Variants in SMARCAL1 observed in about 807,000 individuals in gnomAD.
SMARCAL1 encodes SNF2 related chromatin remodeling annealing helicase 1.
Under a neutral mutation model 94.5 loss-of-function variants are expected in SMARCAL1, and 58 were observed. That is an observed-to-expected ratio of 0.61 (90% confidence interval 0.50 to 0.76). SMARCAL1 has a LOEUF of 0.76. Among genes scored for constraint, SMARCAL1 ranks in the 30% least tolerant of loss-of-function variants. SMARCAL1 has a pLI of 0.00. For missense variants in SMARCAL1, 1,051 were observed against 1,177.9 expected (o/e 0.89, Z 1.58); for synonymous variants, 422 against 455.1 (o/e 0.93, Z 0.93).
At chr2:216,470,236 C>T (rs770492914) in intron 14 of SMARCAL1, among the ~76,000 whole-genome samples, 2 of 152,094 alleles carry the variant, frequency 1.3e-5, no homozygotes, top group Admixed American at 1.3e-4. Flanking sequence ...CTATAGCCTC[C>T]GCCTCCTGGG....
In SMARCAL1 at chr2:216,425,419, G is replaced by A. The variant is rs185610700; in HGVS notation, c.1147+1736G>A. ...AAAACTTGAAGACACCAGCAACCATGGAGCCCTAAGGGGGTGTTACAGCAT... is the reference window on the plus strand; with the variant it reads ...AAAACTTGAAGACACCAGCAACCATAGAGCCCTAAGGGGGTGTTACAGCAT... On this transcript the variant is annotated intron_variant, in intron 6 of 17. Transcript: ENST00000357276. 1.8e-3 allele frequency among the ~76,000 whole-genome samples: 270 copies of A among 152,326 alleles called. 3 individuals carry two copies. The highest frequency in any genetic ancestry group is 4.4e-4 in the Non-Finnish European group (30 of 68,030).
At chr2:216,478,340 A>C (rs1332661722) in intron 17 of SMARCAL1, 41 bp downstream of exon 17, 1 of 1,492,264 alleles carries the variant, frequency 6.7e-7, no homozygotes, top group Admixed American at 1.7e-5. Flanking sequence ...GAGCAGAGGG[A>C]GGCATTAAGC....
chr2:216,438,081 C>T (rs79181569), intron 9 of SMARCAL1, among the ~76,000 whole-genome samples: 5,343 of 152,310 alleles, frequency 0.035, 204 homozygotes, highest in East Asian at 0.16. Context: ...TGGTCTAGTG[C>T]TCCACAGGTG....
intron 14 of SMARCAL1, among the ~76,000 whole-genome samples, chr2:216,474,973 G>C (rs1166664260): frequency 6.6e-6 from 1 of 152,170 alleles, no homozygotes; most frequent in Non-Finnish European, 1.5e-5. Context: ...CTGAAGATCA[G>C]TGGATTGTAT....
chr2:216,466,911 C>T (rs1694840487), intron 13 of SMARCAL1, among the ~76,000 whole-genome samples: 1 of 152,204 alleles, frequency 6.6e-6, no homozygotes, highest in South Asian at 2.1e-4. Context: ...GTTTACAGGG[C>T]AGTCCACGTA....
At chr2:216,417,077 C>A (rs111514305) in intron 4 of SMARCAL1, among the ~76,000 whole-genome samples, 4 of 152,198 alleles carry the variant, frequency 2.6e-5, no homozygotes, top group Non-Finnish European at 5.9e-5. Context: ...TCTTCCTCCC[C>A]CTAGCTTAAG....
intron 9 of SMARCAL1, among the ~76,000 whole-genome samples, chr2:216,436,603 G>A (rs969369173): frequency 7.9e-5 from 12 of 152,220 alleles, no homozygotes; most frequent in Admixed American, 7.9e-4. Flanking sequence ...AGTCTTTGGG[G>A]GAGTCATTTT....
At chr2:216,414,521 CTT>C in intron 2 of SMARCAL1, 124 bp from the exon 3 acceptor site, 1 of 625,842 alleles carries the variant, frequency 1.6e-6, no homozygotes, top group Non-Finnish European at 2.8e-6. Context: ...ATAAAAGAAA[CTT>C]TAATACATCC....
intron 15 of SMARCAL1, 92 bp from the exon 16 acceptor site, chr2:216,477,016 GA>G (rs1231598764): frequency 9.3e-6 from 9 of 966,312 alleles, no homozygotes; most frequent in Non-Finnish European, 1.5e-5. Context: ...GTTGTGGTGG[GA>G]CTGGAAATGG....
At chr2:216,470,501 T>G (rs1331013286) in intron 14 of SMARCAL1, among the ~76,000 whole-genome samples, 1 of 151,844 alleles carries the variant, frequency 6.6e-6, no homozygotes, top group East Asian at 1.9e-4. Context: ...CTTTTTTTTT[T>G]TTTTGAAGCA....
At chr2:216,477,538 G>A (rs537384957) in intron 16 of SMARCAL1, among the ~76,000 whole-genome samples, 1 of 152,234 alleles carries the variant, frequency 6.6e-6, no homozygotes, top group Non-Finnish European at 1.5e-5. Context: ...GTTCCCAGCT[G>A]TGAAGGCATT....
At chr2:216,472,945 C>T (rs540096274) in intron 14 of SMARCAL1, among the ~76,000 whole-genome samples, 150 of 152,194 alleles carry the variant, frequency 9.9e-4, no homozygotes, top group South Asian at 1.7e-3. Flanking sequence ...TTTTTGCTAT[C>T]GTACTTTGGT....
chr2:216,477,280 C>A, intron 16 of SMARCAL1, 71 bp downstream of exon 16: 2 of 1,089,800 alleles, frequency 1.8e-6, no homozygotes, highest in East Asian at 2.6e-5. Context: ...GTTTACTTTG[C>A]TCCCAAAGTG....
At chr2:216,433,412 G>A (rs562755972) in intron 8 of SMARCAL1, among the ~76,000 whole-genome samples, 2 of 152,096 alleles carry the variant, frequency 1.3e-5, no homozygotes, top group East Asian at 1.9e-4. Context: ...TTTACCTCCT[G>A]TATTTTCCTC....
intron 7 of SMARCAL1, among the ~76,000 whole-genome samples, chr2:216,430,284 ATGTTT>A (rs747836591): frequency 3.3e-5 from 5 of 152,134 alleles, no homozygotes; most frequent in African/African-American, 1.2e-4. Context: ...TGTCAATTCT[ATGTTT>A]TGTTTTGTTT....
In SMARCAL1 at chr2:216,416,332, T is replaced by C. The variant is rs148833191; in HGVS notation, c.862+25T>C. Reference sequence around the variant, plus strand: ...AGTAAGTAGACACATGGTTGTCTCATGGAGGGTGGCACTGGTGCTGAAAAT... The same window carrying C: ...AGTAAGTAGACACATGGTTGTCTCACGGAGGGTGGCACTGGTGCTGAAAAT... On this transcript the variant is annotated intron_variant, in intron 4 of 17. Transcript: ENST00000357276. 8.8e-3 allele frequency: 14,050 copies of C among 1,598,032 alleles called. 91 individuals carry two copies. Among genetic ancestry groups the C allele is most frequent in the Non-Finnish European group, 0.01 (11,825 of 1,165,612 alleles).
Position 216,475,203 on chromosome 2 carries a change from G to A in SMARCAL1, c.2245-66G>A. ...CTGGTTCTGTGCTGGAGCTGTGGCT[G>A]GGTGTGGTTTGCTGAGAAGCCCCCG... On this transcript the variant is annotated intron_variant, in intron 14 of 17. Coordinates refer to ENST00000357276, the MANE Select transcript of SMARCAL1 (RefSeq NM_014140.4). The surrounding 1 kb of genome is among the most constrained non-coding windows in gnomAD (Gnocchi z 4.4). 3 of 1,531,344 alleles carry A rather than the reference G, an allele frequency of 2.0e-6. No homozygotes were observed. The highest frequency in any genetic ancestry group is 2.2e-5 in the South Asian group (2 of 89,318). 94.9% of individuals were successfully genotyped at this position (1,531,344 alleles called of 1,614,324 possible).
At chr2:216,451,375 A>G (rs1266074283) in intron 12 of SMARCAL1, 7 of 393,298 alleles carry the variant, frequency 1.8e-5, no homozygotes, top group Non-Finnish European at 3.4e-5. Context: ...AATTATGTCT[A>G]CTATATTTTG....
At chr2:216,421,924 T>A (rs746740504) in intron 5 of SMARCAL1, among the ~76,000 whole-genome samples, 19 of 152,124 alleles carry the variant, frequency 1.2e-4, no homozygotes, top group Non-Finnish European at 1.0e-4. Flanking sequence ...TACGTCATCA[T>A]CCTTAGATGG....
Sources: gnomAD v4.1 joint callset for allele counts (sites outside exome capture counted in the v4.1 genomes callset) on GRCh38, gnomAD v4.1.1 for gene constraint, Gnocchi (gnomAD v3.1) non-coding constraint, MANE v1.5 for transcripts, NCBI Gene and HGNC (gene_info 2026-07-23, HGNC 2026-07-21) for gene names.